EPC2: variants seen among roughly 807,000 people sequenced by gnomAD.
The protein encoded by EPC2 is enhancer of polycomb homolog 2.
In EPC2, 14 loss-of-function variants were observed where a neutral mutation model predicts 92.1. The observed-to-expected ratio is 0.15, with a 90% confidence interval of 0.10 to 0.24. The LOEUF is 0.24. Ranked by LOEUF, EPC2 falls within the 10% of genes least tolerant of loss-of-function variation. The pLI is 1.00. For synonymous variants in EPC2, 340 were observed against 334.7 expected (o/e 1.02, Z -0.17); for missense variants, 755 against 971.5 (o/e 0.78, Z 2.96).
In EPC2 at chr2:148,706,425, A is replaced by G. The variant is rs562651277; in HGVS notation, c.313+16052A>G. Among the ~76,000 whole-genome samples, 13 of 152,328 alleles carry G rather than the reference A, an allele frequency of 8.5e-5. No homozygotes were observed. In the South Asian group the frequency reaches 2.5e-3, roughly 29 times the overall value. On this transcript the variant is annotated intron_variant, in intron 2 of 13. Transcript: ENST00000258484. ...GGAACCAAGCTGGAAAACACTCTTCAGGATATTATCCAGGAGAACTTCCCC... is the reference window on the plus strand; with the variant it reads ...GGAACCAAGCTGGAAAACACTCTTCGGGATATTATCCAGGAGAACTTCCCC...
chr2:148,682,229 A>G (rs1302664704), intron 1 of EPC2, among the ~76,000 whole-genome samples: 6 of 152,208 alleles, frequency 3.9e-5, no homozygotes, highest in African/African-American at 1.4e-4. Context: ...TCCTTTGGGT[A>G]TATACCCAGT....
In EPC2 at chr2:148,769,195, T is replaced by C. The variant is rs747603791; in HGVS notation, c.1185T>C (p.Asp395=). Residue 395 remains aspartate, a synonymous_variant, in exon 8 of 14, where the codon GAT becomes GAC. Coordinates refer to ENST00000258484, the MANE Select transcript of EPC2 (RefSeq NM_015630.4). ...VSEPEEENDP[D]GPCAFRRRAG... The stretch of plus-strand genomic sequence containing the variant: ...AACCGGAAGAAGAAAATGATCCTGA[T>C]GGTCCCTGTGCTTTCAGAAGGCGGG... 3 of 1,612,926 alleles carry C rather than the reference T, an allele frequency of 1.9e-6. No homozygotes were observed. In the South Asian group the frequency reaches 3.3e-5, roughly 18 times the overall value.
At chr2:148,677,896 T>A (rs563890604) in intron 1 of EPC2, among the ~76,000 whole-genome samples, 169 of 152,186 alleles carry the variant, frequency 1.1e-3, no homozygotes, top group African/African-American at 4.0e-3. Context: ...GTGTTATAGC[T>A]CATAAAGGCA....
At chr2:148,702,699 G>A (rs1681914417) in intron 2 of EPC2, among the ~76,000 whole-genome samples, 1 of 152,134 alleles carries the variant, frequency 6.6e-6, no homozygotes, top group East Asian at 1.9e-4. Context: ...CTTGTATAAG[G>A]GACCACACCT....
At chr2:148,694,034 G>T (rs1249832088) in intron 2 of EPC2, among the ~76,000 whole-genome samples, 1 of 152,072 alleles carries the variant, frequency 6.6e-6, no homozygotes, top group Non-Finnish European at 1.5e-5. Flanking sequence ...ATGTGGTTAG[G>T]TGTGCAGTTA....
chr2:148,646,605 T>TA (rs891996251), intron 1 of EPC2, among the ~76,000 whole-genome samples: 4 of 151,640 alleles, frequency 2.6e-5, no homozygotes, highest in Non-Finnish European at 4.4e-5. Context: ...TGAGAACTTT[T>TA]TTTTTTAATT....
intron 1 of EPC2, among the ~76,000 whole-genome samples, chr2:148,648,011 CA>C (rs1159723172): frequency 3.9e-5 from 6 of 152,198 alleles, no homozygotes; most frequent in Non-Finnish European, 8.8e-5. Flanking sequence ...GGATACTTTT[CA>C]GTAGCCTACT....
chr2:148,678,481 G>T (rs145645401), intron 1 of EPC2, among the ~76,000 whole-genome samples: 1 of 152,244 alleles, frequency 6.6e-6, no homozygotes. Context: ...CTCGGGCTGC[G>T]CAGGAGCCCA....
rs990385366 is a variant in EPC2 at position 148,679,022 on chromosome 2, C to G, written c.154-11192C>G. On this transcript the variant is annotated intron_variant, in intron 1 of 13. Coordinates refer to ENST00000258484, the MANE Select transcript of EPC2 (RefSeq NM_015630.4). ...TATGACCATGCCACAGCACCCCAGC[C>G]TGGGTGACAGAGTGCGACCCTGTCA... Among the ~76,000 whole-genome samples, 3 of 152,322 alleles carry G rather than the reference C, an allele frequency of 2.0e-5. No individual in the cohort carries two copies. The East Asian group carries it at 5.8e-4, about 29-fold the overall frequency.
chr2:148,722,731 A>AT (rs1364263214), intron 2 of EPC2, among the ~76,000 whole-genome samples: 1 of 152,240 alleles, frequency 6.6e-6, no homozygotes, highest in Non-Finnish European at 1.5e-5. Flanking sequence ...ATGTATGTTC[A>AT]TTGCAGCACT....
At chr2:148,715,025 G>GTTTTTTTTTTTT (rs60115354) in intron 2 of EPC2, among the ~76,000 whole-genome samples, 1 of 86,860 alleles carries the variant, frequency 1.2e-5, no homozygotes, top group African/African-American at 5.3e-5. Context: ...TTCTTCTAGG[G>GTTTTTTTTTTTT]TTTTTTTTTT....
In EPC2 at chr2:148,709,466, A is replaced by C. The variant is rs187113173; in HGVS notation, c.313+19093A>C. ...TGCCATCCCCATCAAGCTACCAATG[A>C]CTTTCTTCACAGAATTGGAAAAAAC... On this transcript the variant is annotated intron_variant, in intron 2 of 13. Coordinates refer to ENST00000258484, the MANE Select transcript of EPC2 (RefSeq NM_015630.4). Among the ~76,000 whole-genome samples the C allele has an allele frequency of 3.0e-3, 461 of 152,310 alleles. 2 individuals carry two copies. Among genetic ancestry groups the C allele is most frequent in the African/African-American group, 9.3e-3 (386 of 41,580 alleles).
chr2:148,760,260 TACACACAA>T (rs1227855662), intron 4 of EPC2, among the ~76,000 whole-genome samples: 21 of 151,976 alleles, frequency 1.4e-4, no homozygotes, highest in Admixed American at 1.4e-3. Flanking sequence ...CTGTCTCACA[TACACACAA>T]ACACACACAC....
intron 3 of EPC2, among the ~76,000 whole-genome samples, chr2:148,749,234 T>G (rs1683042244): frequency 6.6e-6 from 1 of 152,110 alleles, no homozygotes; most frequent in Non-Finnish European, 1.5e-5. Flanking sequence ...GCCGGTGGTG[T>G]TCATAGTACC....
At chr2:148,711,194 C>T (rs955343574) in intron 2 of EPC2, among the ~76,000 whole-genome samples, 1 of 151,628 alleles carries the variant, frequency 6.6e-6, no homozygotes, top group Non-Finnish European at 1.5e-5. Flanking sequence ...ATCTTCTTTC[C>T]TAATATATGC....
intron 2 of EPC2, among the ~76,000 whole-genome samples, chr2:148,708,991 C>G (rs1682072020): frequency 6.6e-6 from 1 of 152,108 alleles, no homozygotes; most frequent in African/African-American, 2.4e-5. Context: ...GAAGTTCTGG[C>G]CAGGGCAGTC....
At chr2:148,713,146 C>A (rs1682187027) in intron 2 of EPC2, among the ~76,000 whole-genome samples, 1 of 152,122 alleles carries the variant, frequency 6.6e-6, no homozygotes, top group Non-Finnish European at 1.5e-5. Flanking sequence ...CTCTACTTAT[C>A]AAAAATTGTA....
chr2:148,650,364 T>C (rs1680655390), intron 1 of EPC2, among the ~76,000 whole-genome samples: 1 of 152,192 alleles, frequency 6.6e-6, no homozygotes, highest in African/African-American at 2.4e-5. Flanking sequence ...TTTGGTACTA[T>C]GTATATCTAA....
chr2:148,701,620 A>G (rs1241297163), intron 2 of EPC2, among the ~76,000 whole-genome samples: 2 of 152,192 alleles, frequency 1.3e-5, no homozygotes, highest in Non-Finnish European at 2.9e-5. Flanking sequence ...TGTTGGATTC[A>G]GCTTGCTATA....
Sources: gnomAD v4.1 joint callset for allele counts (sites outside exome capture counted in the v4.1 genomes callset) on GRCh38, gnomAD v4.1.1 for gene constraint, MANE v1.5 for transcripts, NCBI Gene and HGNC (gene_info 2026-07-23, HGNC 2026-07-21) for gene names.